STK40: variants seen among roughly 807,000 people sequenced by gnomAD.
STK40 encodes serine/threonine-protein kinase 40.
In STK40, 13 loss-of-function variants were observed where a neutral mutation model predicts 47.9. The observed-to-expected ratio is 0.27, with a 90% confidence interval of 0.18 to 0.43. STK40 has a LOEUF of 0.43. Among genes scored for constraint, STK40 ranks in the 20% least tolerant of loss-of-function variants. The pLI is 1.00. For missense variants in STK40, 460 were observed against 595.1 expected, an observed-to-expected ratio of 0.77 and a Z score of 2.36; for synonymous variants, 225 against 243.2, an observed-to-expected ratio of 0.93 and a Z score of 0.69.
chr1:36,374,743 C>T (rs1400057631), intron 1 of STK40, among the ~76,000 whole-genome samples: 2 of 152,222 alleles, frequency 1.3e-5, no homozygotes, highest in Non-Finnish European at 2.9e-5. Flanking sequence ...GGCCCCTTGG[C>T]TCTTCAGGGT....
At chr1:36,381,942 C>T (rs1647042853) in intron 1 of STK40, among the ~76,000 whole-genome samples, 1 of 152,104 alleles carries the variant, frequency 6.6e-6, no homozygotes, top group East Asian at 1.9e-4. Context: ...GGAGCCTGCC[C>T]CTAGATCACA....
chr1:36,371,382 G>A (rs1245846672), intron 1 of STK40, among the ~76,000 whole-genome samples: 1 of 149,084 alleles, frequency 6.7e-6, no homozygotes, highest in Non-Finnish European at 1.5e-5. Flanking sequence ...GTGAAACCCC[G>A]CTTCTACTAA....
intron 7 of STK40, among the ~76,000 whole-genome samples, chr1:36,346,588 T>C (rs569375847): frequency 1.4e-4 from 21 of 152,262 alleles, no homozygotes; most frequent in African/African-American, 4.1e-4. Context: ...CAGAAGGAGA[T>C]TGGAGGCCGT....
chr1:36,374,730 G>A (rs368079271), intron 1 of STK40, among the ~76,000 whole-genome samples: 11 of 152,320 alleles, frequency 7.2e-5, no homozygotes, highest in East Asian at 1.9e-4. Context: ...GGATGTTTGC[G>A]GTGGCCCCTT....
intron 1 of STK40, among the ~76,000 whole-genome samples, chr1:36,380,011 A>T (rs1236394092): frequency 6.6e-6 from 1 of 152,200 alleles, no homozygotes; most frequent in Non-Finnish European, 1.5e-5. Context: ...AATTACACTC[A>T]CAGTGGGACA....
chr1:36,360,312 C>T (rs370091219), intron 2 of STK40, among the ~76,000 whole-genome samples: 3 of 152,310 alleles, frequency 2.0e-5, no homozygotes, highest in African/African-American at 7.2e-5. Context: ...GCAACCCTGA[C>T]TATAAGCAAT....
intron 1 of STK40, among the ~76,000 whole-genome samples, chr1:36,379,539 T>C (rs563673636): frequency 4.6e-5 from 7 of 151,972 alleles, no homozygotes; most frequent in Non-Finnish European, 1.0e-4. Flanking sequence ...CACCACCACG[T>C]CCGGCTAATT....
chr1:36,344,937 C>A (rs1401643368), intron 7 of STK40, among the ~76,000 whole-genome samples: 2 of 152,262 alleles, frequency 1.3e-5, no homozygotes, highest in Non-Finnish European at 2.9e-5. Context: ...ATTTCACTAA[C>A]TGTGCTCCAC....
At chr1:36,377,103 T>C (rs1367751566) in intron 1 of STK40, among the ~76,000 whole-genome samples, 2 of 151,972 alleles carry the variant, frequency 1.3e-5, no homozygotes, top group African/African-American at 2.4e-5. Flanking sequence ...CTCCAGTCAA[T>C]AGAACTAAGG....
At chr1:36,374,524 A>G (rs1646975673) in intron 1 of STK40, among the ~76,000 whole-genome samples, 1 of 152,232 alleles carries the variant, frequency 6.6e-6, no homozygotes, top group African/African-American at 2.4e-5. Context: ...CCAGGGCAGC[A>G]TTGCCAGCCC....
At chr1:36,353,024 G>A (rs541026567) in intron 6 of STK40, among the ~76,000 whole-genome samples, 8 of 152,292 alleles carry the variant, frequency 5.3e-5, no homozygotes, top group South Asian at 4.1e-4. Flanking sequence ...CCCCCTCCCC[G>A]GAGGCCAACC....
chr1:36,359,493 T>C (rs765814607), intron 2 of STK40, among the ~76,000 whole-genome samples: 12 of 152,184 alleles, frequency 7.9e-5, no homozygotes, highest in Non-Finnish European at 1.5e-4. Context: ...CGCAACAGGT[T>C]CCCTGGAGAT....
At chr1:36,371,685 CAAA>C (rs57138983) in intron 1 of STK40, among the ~76,000 whole-genome samples, 181 of 28,004 alleles carry the variant, frequency 6.5e-3, no homozygotes, top group African/African-American at 0.02. Context: ...ACCCTGTCTC[CAAA>C]AAAAAAAAAA....
At chr1:36,369,342 G>C (rs1324676953) in intron 1 of STK40, among the ~76,000 whole-genome samples, 1 of 152,116 alleles carries the variant, frequency 6.6e-6, no homozygotes, top group Non-Finnish European at 1.5e-5. Flanking sequence ...TGTGTAAGTG[G>C]GGCTGGGCAA....
Position 36,341,898 on chromosome 1 carries a change from TCTC to T in STK40, c.1162_1164del (p.Glu388del), listed in dbSNP as rs1557502446. ...CTCCGGGCGTCATGGATGGAGCTCTTCTCCTCGGCCAGCAGCAGCTGCTGACGC... is the reference window on the plus strand; with the variant it reads ...CTCCGGGCGTCATGGATGGAGCTCTTCTCGGCCAGCAGCAGCTGCTGACGC... On this transcript the variant is annotated inframe_deletion, in exon 11 of 11. Transcript: ENST00000373132. The T allele has an allele frequency of 2.5e-6, 4 of 1,613,994 alleles. No individual in the cohort carries two copies. The highest frequency in any genetic ancestry group is 3.4e-6 in the Non-Finnish European group (4 of 1,179,970).
At position 36,361,152 on chromosome 1, in the gene STK40, T is replaced by A. The variant is rs1646848798; in HGVS notation, c.112+69A>T. 3 of 1,578,780 alleles carry A rather than the reference T, an allele frequency of 1.9e-6. No homozygotes were observed. The African/African-American group carries it at 4.0e-5, about 21-fold the overall frequency. On this transcript the variant is annotated intron_variant, in intron 2 of 10. Coordinates refer to ENST00000373132, the MANE Select transcript of STK40 (RefSeq NM_001282547.2). ...CTCACTCTGATGTCTGTAGGTCAGATCATGCGAGCCAATGTGCCCTGCCCC... is the reference window on the plus strand; with the variant it reads ...CTCACTCTGATGTCTGTAGGTCAGAACATGCGAGCCAATGTGCCCTGCCCC...
chr1:36,345,905 A>G (rs566120929), intron 7 of STK40, among the ~76,000 whole-genome samples: 1 of 147,792 alleles, frequency 6.8e-6, no homozygotes, highest in South Asian at 2.1e-4. Flanking sequence ...TTCTGAGGGG[A>G]CACTGTACCC....
intron 6 of STK40, among the ~76,000 whole-genome samples, chr1:36,353,208 A>C (rs1488129712): frequency 6.6e-6 from 1 of 152,078 alleles, no homozygotes; most frequent in Non-Finnish European, 1.5e-5. Context: ...CTCAATGCCG[A>C]GTTGAGAGGT....
chr1:36,364,988 CTTTTT>C (rs747047937), intron 1 of STK40, among the ~76,000 whole-genome samples: 1 of 126,918 alleles, frequency 7.9e-6, no homozygotes, highest in Non-Finnish European at 1.7e-5. Flanking sequence ...GGTCCTTATT[CTTTTT>C]TTTTTTTTTT....
Sources: allele counts gnomAD v4.1 joint callset (sites outside exome capture counted in the v4.1 genomes callset), GRCh38; gene constraint gnomAD v4.1.1; transcripts MANE v1.5; gene names NCBI Gene and HGNC (gene_info 2026-07-23, HGNC 2026-07-21).